KIAA1210: variants seen among roughly 807,000 people sequenced by gnomAD.
KIAA1210 encodes the protein acrosomal protein KIAA1210.
Under a neutral mutation model 78.9 loss-of-function variants are expected in KIAA1210, and 48 were observed. That is an observed-to-expected ratio of 0.61 (90% CI 0.48 to 0.77). The LOEUF is 0.77. Among genes scored for constraint, KIAA1210 ranks in the 30% least tolerant of loss-of-function variants. The pLI is 0.00. For synonymous variants in KIAA1210, 406 were observed against 404.5 expected, an observed-to-expected ratio of 1.00 and a Z score of -0.04; for missense variants, 1,108 against 1,100.0, an observed-to-expected ratio of 1.01 and a Z score of -0.10.
intron 7 of KIAA1210, among the ~76,000 whole-genome samples, chrX:119,094,249 T>C (rs926248983): frequency 2.7e-5 from 3 of 111,999 alleles, no homozygotes; most frequent in African/African-American, 9.7e-5. Flanking sequence ...TCTTTCCAGA[T>C]CAAAAGAAGA....
chrX:119,098,807 G>A (rs758274800), intron 6 of KIAA1210, among the ~76,000 whole-genome samples: 3 of 111,233 alleles, frequency 2.7e-5, no homozygotes, highest in Non-Finnish European at 3.8e-5. Context: ...ACTCCATGAA[G>A]AAGGGTTTTT....
Position 119,096,609 on chromosome X carries a change from T to C in KIAA1210, c.731A>G (p.Gln244Arg). Residue 244 changes from glutamine (Q) to arginine (R), a missense_variant, in exon 7 of 12, where the codon CAG (glutamine) becomes CGG (arginine). Transcript: ENST00000691062. ...TGGGGTGCTGAAACCAATGGGCAGC[T>C]GGGTGCTACTGGTAGAGGCAAGTGT... The part of the protein sequence containing the change: ...FATLASTSST[Q>R]LPIGFSTPAT... The C allele has an allele frequency of 1.7e-6, 2 of 1,209,890 alleles. No individual in the cohort carries two copies. The highest frequency in any genetic ancestry group is 2.2e-6 in the Non-Finnish European group (2 of 894,316).
intron 10 of KIAA1210, among the ~76,000 whole-genome samples, chrX:119,083,715 T>C (rs1164774809): frequency 9.0e-6 from 1 of 111,229 alleles, no homozygotes; most frequent in Non-Finnish European, 1.9e-5. Context: ...TTAACCAGGC[T>C]GAGAGCAGTG....
At position 119,087,084 on chromosome X, in the gene KIAA1210, A is replaced by G. The variant is rs1927166686; in HGVS notation, c.3618T>C (p.Ala1206=). ...TCTCAAAAACAGATCGCCTAGCAGC[A>G]GCATTCACAGAACTTGAATGAACCT... ...QQQVHSSSVN[A]AARRSVFESN... is the part of the protein sequence containing the mutation. The change falls in exon 9 of 12, where the codon GCT becomes GCC. Residue 1206 remains alanine (A), a synonymous_variant. Coordinates refer to ENST00000691062, the MANE Select transcript of KIAA1210 (RefSeq NM_001394962.1). 8 of 1,210,156 alleles carry G rather than the reference A, an allele frequency of 6.6e-6. No homozygotes were observed. The Middle Eastern group carries it at 1.1e-3, about 174-fold the overall frequency.
chrX:119,083,624 A>G (rs887695679), intron 10 of KIAA1210, among the ~76,000 whole-genome samples: 2 of 111,932 alleles, frequency 1.8e-5, no homozygotes, highest in African/African-American at 6.5e-5. Flanking sequence ...TCTGCAGTTT[A>G]TTCTTTTCAA....
At chrX:119,126,188 C>A (rs969999747) in intron 1 of KIAA1210, among the ~76,000 whole-genome samples, 16 of 105,472 alleles carry the variant, frequency 1.5e-4, no homozygotes, top group Middle Eastern at 9.6e-3. Context: ...TAGCTGTAAA[C>A]CCCTGATGTA....
chrX:119,089,608 C>T lies in KIAA1210; in HGVS notation c.1094G>A (p.Gly365Glu), dbSNP rs1418209238. Residue 365 changes from glycine (G) to glutamate (E), a missense_variant, in exon 9 of 12, where the codon GGA becomes GAA. Around this residue, in one of 5 missense-constraint regions of KIAA1210, gnomAD observed 672 missense variants for 607.1 expected, o/e 1.11. Coordinates refer to ENST00000691062, the MANE Select transcript of KIAA1210 (RefSeq NM_001394962.1). The stretch of plus-strand genomic sequence containing the variant: ...CCCACTCAATCCTGAAACACTTGCT[C>T]CTTTTCTTCTCCATCTTCTTCCATA... The part of the protein sequence containing the change: ...AAYGRRWRRK[G>E]ASVSGLSGCE... 1.7e-6 allele frequency: 2 copies of T among 1,209,977 alleles called. No individual in the cohort carries two copies. Among genetic ancestry groups the T allele is most frequent in the Non-Finnish European group, 2.2e-6 (2 of 895,223 alleles).
rs1231612554 is a variant in KIAA1210, at chrX:119,150,509, T to G, written c.71A>C (p.Tyr24Ser). 2.5e-6 allele frequency: 3 copies of G among 1,208,691 alleles called. No homozygotes were observed. In the African/African-American group the frequency reaches 5.3e-5, roughly 21 times the overall value. The change falls in exon 1 of 14, where the codon TAC (tyrosine) becomes TCC (serine). Residue 24 changes from tyrosine (Y) to serine (S), a missense_variant. Tyr to Ser is a moderately radical substitution (Grantham distance 144). Transcript: ENST00000402510. ...GTCCCTGGGGCCCAGGTGAGCCAGGTAGGGGTGCCGGCCAGGAAGGAGAGA... is the reference window on the plus strand; with the variant it reads ...GTCCCTGGGGCCCAGGTGAGCCAGGGAGGGGTGCCGGCCAGGAAGGAGAGA...
chrX:119,119,975 CAA>C (rs11342308), intron 2 of KIAA1210, among the ~76,000 whole-genome samples: 137 of 35,766 alleles, frequency 3.8e-3, no homozygotes, highest in African/African-American at 9.6e-3. Flanking sequence ...GACTCCATCT[CAA>C]AAAAAAAAAA....
intron 1 of KIAA1210, among the ~76,000 whole-genome samples, chrX:119,125,307 T>G (rs1368964263): frequency 9.0e-6 from 1 of 110,908 alleles, no homozygotes; most frequent in Non-Finnish European, 1.9e-5. Context: ...CTATCAAAAT[T>G]TAAAATGCAC....
chrX:119,100,457 G>A (rs1057011249), intron 6 of KIAA1210, among the ~76,000 whole-genome samples: 1 of 109,988 alleles, frequency 9.1e-6, no homozygotes, highest in Non-Finnish European at 1.9e-5. Flanking sequence ...GAGAAAGTGG[G>A]ACACCTTTCT....
At chrX:119,085,604 G>T in intron 9 of KIAA1210, 58 bp from the exon 10 acceptor site, 1 of 1,048,401 alleles carries the variant, frequency 9.5e-7, no homozygotes, top group Non-Finnish European at 1.3e-6. Flanking sequence ...TCTTGAGCCT[G>T]GTTGGGGCTT....
At chrX:119,125,497 A>T (rs942564271) in intron 1 of KIAA1210, among the ~76,000 whole-genome samples, 1 of 106,256 alleles carries the variant, frequency 9.4e-6, no homozygotes, top group African/African-American at 3.4e-5. Flanking sequence ...ACTCCATGTC[A>T]TGCTTCTAAG....
In KIAA1210 at chrX:119,089,324, G is replaced by T; in HGVS notation, c.1378C>A (p.Pro460Thr). 1 of 1,211,392 alleles carries T rather than the reference G, an allele frequency of 8.3e-7. No individual in the cohort carries two copies. Among genetic ancestry groups the T allele is most frequent in the South Asian group, 1.8e-5 (1 of 56,877 alleles). The change falls in exon 9 of 12, where the codon CCC becomes ACC. Residue 460 changes from proline to threonine, a missense_variant. By Grantham distance (38) the Pro-to-Thr change is conservative (BLOSUM62 -1). Around this residue, in one of 5 missense-constraint regions of KIAA1210, gnomAD observed 672 missense variants for 607.1 expected, o/e 1.11. Transcript: ENST00000691062. ...FGSRKASAAQ[P>T]IPENMDNSMV... ...GAATTGTCCATGTTTTCAGGTATGG[G>T]CTGTGCTGCTGATGCTTTTCTGGAT...
chrX:119,094,125 C>A (rs1927480092), intron 7 of KIAA1210: 12 of 955,799 alleles, frequency 1.3e-5, no homozygotes, highest in Non-Finnish European at 1.8e-5. Context: ...GGCCTGACAA[C>A]AATCATGCCC....
exon 1 of KIAA1210, chrX:119,150,559 A>C: frequency 8.3e-7 from 1 of 1,207,580 alleles, no homozygotes; most frequent in Non-Finnish European, 1.1e-6. Flanking sequence ...AGAAGCCTCG[A>C]GGCGTCCAGC....
intron 9 of KIAA1210, 128 bp from the exon 10 acceptor site, chrX:119,085,674 T>C: frequency 4.7e-6 from 3 of 633,637 alleles, no homozygotes; most frequent in Non-Finnish European, 6.9e-6. Context: ...TAAACAGATA[T>C]CAAACAGAGA....
chrX:119,107,529 T>C (rs1927929290), intron 5 of KIAA1210, among the ~76,000 whole-genome samples: 1 of 111,833 alleles, frequency 8.9e-6, no homozygotes, highest in African/African-American at 3.3e-5. Context: ...TTTCCTGCTG[T>C]AGTACAAGAG....
chrX:119,140,460 T>C (rs1342226082), intron 2 of KIAA1210, among the ~76,000 whole-genome samples: 2 of 98,247 alleles, frequency 2.0e-5, no homozygotes, highest in Non-Finnish European at 4.0e-5. Flanking sequence ...ACCCGGGAGG[T>C]AGAGATTGCA....
Sources: allele counts gnomAD v4.1 joint callset (sites outside exome capture counted in the v4.1 genomes callset), GRCh38; gene constraint gnomAD v4.1.1; regional missense constraint gnomAD v4.1.1; transcripts MANE v1.5; gene names NCBI Gene and HGNC (gene_info 2026-07-23, HGNC 2026-07-21).